SHE: variants seen among roughly 807,000 people sequenced by gnomAD.
SHE encodes the protein SH2 domain-containing adapter protein E.
Under a neutral mutation model 49.8 loss-of-function variants are expected in SHE, and 11 were observed. That is an observed-to-expected ratio of 0.22 (90% confidence interval 0.14 to 0.37). The LOEUF (loss-of-function observed/expected upper bound fraction) is 0.37, where lower values mean the gene tolerates loss of function less well. SHE is among the 10% of genes least tolerant of loss of function. The pLI, the probability that SHE is intolerant of heterozygous loss-of-function variation, is 1.00. For synonymous variants in SHE, 310 were observed against 278.1 expected (o/e 1.11, Z -1.14); for missense variants, 624 against 655.5 (o/e 0.95, Z 0.52).
At position 154,501,926 on chromosome 1, in the gene SHE, C is replaced by T; in HGVS notation, c.101G>A (p.Gly34Asp). 1 of 1,490,960 alleles carries T rather than the reference C, an allele frequency of 6.7e-7. No homozygotes were observed. Among genetic ancestry groups the T allele is most frequent in the East Asian group, 2.6e-5 (1 of 38,496 alleles). The allele number at this position is 1,490,960 out of a possible 1,614,324, so 92.4% of individuals were successfully genotyped here. The change falls in exon 1 of 6, where the codon GGC (glycine) becomes GAC (aspartate). Residue 34 changes from glycine to aspartate, a missense_variant. Coordinates refer to ENST00000304760, the MANE Select transcript of SHE (RefSeq NM_001010846.3). The part of the protein sequence containing the change: ...APTLLGRAGR[G>D]PLMAAKWFKE... ...GAACCACTTGGCCGCCATGAGGGGGCCCCGGCCGGCTCGGCCCAGGAGCGT... is the reference window on the plus strand; with the variant it reads ...GAACCACTTGGCCGCCATGAGGGGGTCCCGGCCGGCTCGGCCCAGGAGCGT...
Position 154,480,200 on chromosome 1 carries a change from TAGG to T in SHE, c.*3946_*3948del, listed in dbSNP as rs1553190282. 1 of 985,210 alleles carries T rather than the reference TAGG, an allele frequency of 1.0e-6. No homozygotes were observed. Among genetic ancestry groups the T allele is most frequent in the Non-Finnish European group, 1.2e-6 (1 of 829,940 alleles). The allele number at this position is 985,210 out of a possible 1,614,324, so 61.0% of individuals were successfully genotyped here. Reference sequence around the variant, plus strand: ...CAAACTAGTGCTAGTTATGGAAAAATAGGAGACAACTAGTGAACGAGAGATCTG... The same window carrying T: ...CAAACTAGTGCTAGTTATGGAAAAATAGACAACTAGTGAACGAGAGATCTG... On this transcript the variant is annotated 3_prime_UTR_variant, in exon 6 of 6. Transcript: ENST00000304760.
intron 2 of SHE, among the ~76,000 whole-genome samples, chr1:154,495,387 AT>A (rs1692494966): frequency 6.6e-6 from 1 of 152,212 alleles, no homozygotes; most frequent in African/African-American, 2.4e-5. Context: ...ATTCAGTCAT[AT>A]CTTTTTATGA....
Position 154,480,006 on chromosome 1 carries a change from C to A in SHE, c.*4143G>T, listed in dbSNP as rs1412520266. Reference sequence around the variant, plus strand: ...TCCCAACTGCAGTTTTCTCTTTTCCCATTAGATGGCAGTAACGCACCATCT... The same window carrying A: ...TCCCAACTGCAGTTTTCTCTTTTCCAATTAGATGGCAGTAACGCACCATCT... On this transcript the variant is annotated 3_prime_UTR_variant, in exon 6 of 6. Transcript: ENST00000304760. 1 of 985,288 alleles carries A rather than the reference C, an allele frequency of 1.0e-6. No homozygotes were observed. The highest frequency in any genetic ancestry group is 1.1e-4 in the East Asian group (1 of 8,838). 61.0% of individuals were successfully genotyped at this position (985,288 alleles called of 1,614,324 possible). A position where few individuals can be genotyped will look rare whatever the true frequency, so the allele number is the denominator to read the frequency against.
intron 1 of SHE, among the ~76,000 whole-genome samples, 157 bp downstream of exon 1, chr1:154,501,278 GA>G (rs1692727590): frequency 6.6e-6 from 1 of 152,196 alleles, no homozygotes; most frequent in African/African-American, 2.4e-5. Context: ...AACAGTCTAA[GA>G]ATTTTAAATG....
chr1:154,491,402 CT>C (rs1692358748), intron 2 of SHE, among the ~76,000 whole-genome samples: 1 of 152,216 alleles, frequency 6.6e-6, no homozygotes, highest in South Asian at 2.1e-4. Context: ...ACTACACTGT[CT>C]TGAGCCCACC....
Position 154,481,726 on chromosome 1 carries a change from A to G in SHE, c.*2423T>C. On this transcript the variant is annotated 3_prime_UTR_variant, in exon 6 of 6. Coordinates refer to ENST00000304760, the MANE Select transcript of SHE (RefSeq NM_001010846.3). ...ACAATGAATAATTTGTATAAAGATA[A>G]TAAATATTTGTTGAATGGATGCTGA... The G allele has an allele frequency of 1.0e-6, 1 of 958,100 alleles. No individual in the cohort carries two copies. The highest frequency in any genetic ancestry group is 1.2e-6 in the Non-Finnish European group (1 of 805,076). The allele number at this position is 958,100 out of a possible 1,614,324, so 59.3% of individuals were successfully genotyped here. A position where few individuals can be genotyped will look rare whatever the true frequency, so the allele number is the denominator to read the frequency against.
In SHE at chr1:154,499,042, C is replaced by A. The variant is rs534442687; in HGVS notation, c.718+70G>T. 95 of 1,551,064 alleles carry A rather than the reference C, an allele frequency of 6.1e-5. No individual in the cohort carries two copies. The African/African-American group carries it at 8.7e-4, about 14-fold the overall frequency. On this transcript the variant is annotated intron_variant, in intron 2 of 5. Coordinates refer to ENST00000304760, the MANE Select transcript of SHE (RefSeq NM_001010846.3). ...TTTATCCCTCTTCCCCAATAGACAC[C>A]GGTTACTATATTACAACACTCACTG...
At chr1:154,487,172 T>G (rs1490271615) in intron 3 of SHE, among the ~76,000 whole-genome samples, 5 of 150,542 alleles carry the variant, frequency 3.3e-5, no homozygotes, top group Non-Finnish European at 5.9e-5. Flanking sequence ...CTTGGGAGGC[T>G]GAGGCAGGAG....
intron 1 of SHE, among the ~76,000 whole-genome samples, 174 bp downstream of exon 1, chr1:154,501,262 T>C (rs1196032283): frequency 6.6e-6 from 1 of 152,178 alleles, no homozygotes; most frequent in African/African-American, 2.4e-5. Flanking sequence ...TTTTCAAGAA[T>C]TAAAAAACAG....
downstream of SHE, among the ~76,000 whole-genome samples, chr1:154,478,091 T>C (rs1691927134): frequency 6.6e-6 from 1 of 152,130 alleles, no homozygotes. Flanking sequence ...TAATGGTCTG[T>C]GTCAGGATTC....
At position 154,484,337 on chromosome 1, in the gene SHE, T is replaced by G; in HGVS notation, c.1302-2A>C. On this transcript the variant is annotated splice_acceptor_variant, in intron 5 of 5. Coordinates refer to ENST00000304760, the MANE Select transcript of SHE (RefSeq NM_001010846.3). LOFTEE classifies it high-confidence loss of function. ...ATGTGGACACATCCTTGACTAGTCC[T>G]GGAATGAAAATCAAGGAGGAGACAT... is the stretch of plus-strand genomic sequence containing the variant. The G allele has an allele frequency of 6.2e-7, 1 of 1,603,680 alleles. No homozygotes were observed. Among genetic ancestry groups the G allele is most frequent in the Non-Finnish European group, 8.5e-7 (1 of 1,171,404 alleles).
intron 2 of SHE, among the ~76,000 whole-genome samples, chr1:154,493,732 A>G (rs1319908287): frequency 6.6e-6 from 1 of 152,230 alleles, no homozygotes; most frequent in Non-Finnish European, 1.5e-5. Context: ...CTTTTACTAA[A>G]TTAACTGTAG....
chr1:154,494,027 A>G (rs527944802), intron 2 of SHE, among the ~76,000 whole-genome samples: 58 of 152,316 alleles, frequency 3.8e-4, no homozygotes, highest in African/African-American at 1.3e-3. Context: ...TGTTAATTCC[A>G]ATTTCCAAAT....
At chr1:154,490,589 T>C (rs948169897) in intron 2 of SHE, among the ~76,000 whole-genome samples, 2 of 152,032 alleles carry the variant, frequency 1.3e-5, no homozygotes, top group Admixed American at 6.6e-5. Context: ...AGTGAAGATA[T>C]GGAGGTGGGA....
At chr1:154,496,938 CTT>C (rs975362706) in intron 2 of SHE, among the ~76,000 whole-genome samples, 1 of 149,438 alleles carries the variant, frequency 6.7e-6, no homozygotes, top group Non-Finnish European at 1.5e-5. Context: ...AAGCATAAAA[CTT>C]TTTTTTTTAA....
intron 5 of SHE, 118 bp downstream of exon 5, chr1:154,485,811 AAACAAATGCCTCTT>A (rs1692159493): frequency 8.9e-7 from 1 of 1,125,804 alleles, no homozygotes; most frequent in Non-Finnish European, 1.3e-6. Context: ...TCCATTGTCC[AAACAAATGCCTCTT>A]ATTTTCTGCA....
chr1:154,474,459 G>A (rs561710807), intron 1 of SHE, among the ~76,000 whole-genome samples: 4 of 152,178 alleles, frequency 2.6e-5, no homozygotes, highest in African/African-American at 7.2e-5. Context: ...TTGGTTCCTT[G>A]GTATAAACTT....
Position 154,479,537 on chromosome 1 carries a change from G to C in SHE, c.*4612C>G, listed in dbSNP as rs1027229170. On this transcript the variant is annotated 3_prime_UTR_variant, in exon 6 of 6. Coordinates refer to ENST00000304760, the MANE Select transcript of SHE (RefSeq NM_001010846.3). ...ATTTCAGAGGAAACTATCTTCAGGA[G>C]GGCATGAAGCCTATATTGGCTACTG... 5 of 984,868 alleles carry C rather than the reference G, an allele frequency of 5.1e-6. No individual in the cohort carries two copies. The Admixed American group carries it at 3.1e-4, about 61-fold the overall frequency. 61.0% of individuals were successfully genotyped at this position (984,868 alleles called of 1,614,324 possible).
intron 2 of SHE, among the ~76,000 whole-genome samples, chr1:154,494,475 G>T (rs974088021): frequency 6.9e-6 from 1 of 145,350 alleles, no homozygotes; most frequent in Non-Finnish European, 1.5e-5. Context: ...TGGCCTCCCA[G>T]AGTGCTAGGA....
Sources: gnomAD v4.1 joint callset for allele counts (sites outside exome capture counted in the v4.1 genomes callset) on GRCh38, gnomAD v4.1.1 for gene constraint, MANE v1.5 for transcripts, NCBI Gene and HGNC (gene_info 2026-07-23, HGNC 2026-07-21) for gene names.